NXPE2: variants seen among roughly 807,000 people sequenced by gnomAD.
NXPE2 encodes the protein NXPE family member 2.
Under a neutral mutation model 34.4 loss-of-function variants are expected in NXPE2, and 34 were observed. That is an observed-to-expected ratio of 0.99 (90% CI 0.75 to 1.31). The LOEUF (loss-of-function observed/expected upper bound fraction) is 1.31, where lower values mean the gene tolerates loss of function less well. NXPE2 is among the 40% of genes most tolerant of loss of function. The pLI is 0.00. For missense variants in NXPE2, 649 were observed against 672.5 expected, an observed-to-expected ratio of 0.97 and a Z score of 0.39; for synonymous variants, 235 against 231.3, an observed-to-expected ratio of 1.02 and a Z score of -0.15.
At chr11:114,626,087 C>T in the NXPE2 span, among the ~76,000 whole-genome samples, 31 of 152,212 alleles carry the variant, frequency 2.0e-4, no homozygotes, top group Middle Eastern at 3.4e-3. Context: ...AAGGCGGCAG[C>T]GAGGCTGGGA....
At chr11:114,657,458 A>T in the NXPE2 span, among the ~76,000 whole-genome samples, 1 of 152,230 alleles carries the variant, frequency 6.6e-6, no homozygotes, top group African/African-American at 2.4e-5. Flanking sequence ...TAACAATGGA[A>T]ATCACAGTAT....
chr11:114,759,168 A>T, the NXPE2 span, among the ~76,000 whole-genome samples: 64,460 of 151,948 alleles, frequency 0.42, 15,375 homozygotes, highest in South Asian at 0.59. Flanking sequence ...ATTCCAGCTG[A>T]TTGCTCAATT....
the NXPE2 span, among the ~76,000 whole-genome samples, chr11:114,603,737 C>T: frequency 7.1e-6 from 1 of 141,188 alleles, no homozygotes; most frequent in Non-Finnish European, 1.5e-5. Flanking sequence ...TCCTATTACC[C>T]AGTGGATGAT....
At chr11:114,575,046 G>A in the NXPE2 span, among the ~76,000 whole-genome samples, 1 of 152,002 alleles carries the variant, frequency 6.6e-6, no homozygotes, top group Admixed American at 6.6e-5. Context: ...ACATACGTAA[G>A]TCAATAAATG....
intron 2 of NXPE2, among the ~76,000 whole-genome samples, chr11:114,690,941 C>A (rs1404708149): frequency 6.6e-6 from 1 of 151,788 alleles, no homozygotes; most frequent in Non-Finnish European, 1.5e-5. Flanking sequence ...CTTTTTGATT[C>A]TTTCTTAGTA....
At chr11:114,505,026 T>C in the NXPE2 span, among the ~76,000 whole-genome samples, 1 of 152,128 alleles carries the variant, frequency 6.6e-6, no homozygotes, top group Non-Finnish European at 1.5e-5. Flanking sequence ...AAATAGCCAG[T>C]ATACAGAAGA....
the NXPE2 span, among the ~76,000 whole-genome samples, chr11:114,505,992 G>A: frequency 6.9e-4 from 104 of 151,446 alleles, no homozygotes; most frequent in African/African-American, 2.3e-3. Context: ...CACATGCAAT[G>A]ACACACATAG....
chr11:114,529,679 T>A, the NXPE2 span: 1 of 159,132 alleles, frequency 6.3e-6, no homozygotes, highest in Admixed American at 5.8e-5. Context: ...CCAGTAGGAA[T>A]TGGCTTTTTA....
chr11:114,690,843 A>G (rs1235521927), intron 2 of NXPE2, among the ~76,000 whole-genome samples: 2 of 151,964 alleles, frequency 1.3e-5, no homozygotes, highest in African/African-American at 4.8e-5. Flanking sequence ...TTTGATCTCT[A>G]AAATTCCTTC....
At chr11:114,717,076 C>G in the NXPE2 span, among the ~76,000 whole-genome samples, 4 of 152,120 alleles carry the variant, frequency 2.6e-5, no homozygotes, top group Non-Finnish European at 2.9e-5. Flanking sequence ...TACTATCTGA[C>G]CCTTTACAGG....
chr11:114,684,015 G>A (rs537819415), intron 2 of NXPE2, among the ~76,000 whole-genome samples: 3 of 152,174 alleles, frequency 2.0e-5, no homozygotes, highest in Admixed American at 1.3e-4. Context: ...AGGAGAAATA[G>A]TTAGAAGACA....
the NXPE2 span, among the ~76,000 whole-genome samples, chr11:114,776,981 G>T: frequency 6.6e-6 from 1 of 152,130 alleles, no homozygotes; most frequent in Admixed American, 6.5e-5. Flanking sequence ...TGAACTGAAA[G>T]AAAAAACATT....
chr11:114,648,120 C>G, the NXPE2 span, among the ~76,000 whole-genome samples: 5 of 152,094 alleles, frequency 3.3e-5, no homozygotes, highest in Non-Finnish European at 7.3e-5. Flanking sequence ...CTTAGAATCT[C>G]CTAATGATAG....
the NXPE2 span, among the ~76,000 whole-genome samples, chr11:114,608,849 C>A: frequency 6.6e-6 from 1 of 151,952 alleles, no homozygotes; most frequent in South Asian, 2.1e-4. Flanking sequence ...ATAAGTGTTG[C>A]CTTGTGGGTA....
At chr11:114,663,637 C>CTATCTATCTATCTATCTATCATCT in the NXPE2 span, among the ~76,000 whole-genome samples, 2 of 138,754 alleles carry the variant, frequency 1.4e-5, no homozygotes. Flanking sequence ...ATCTATCTAT[C>CTATCTATCTATCTATCTATCATCT]ATCTATCCAT....
chr11:114,740,934 G>A, the NXPE2 span, among the ~76,000 whole-genome samples: 3 of 152,094 alleles, frequency 2.0e-5, no homozygotes, highest in African/African-American at 7.2e-5. Context: ...TGTCTCTTGT[G>A]ATAGTTTTTA....
At chr11:114,679,784 A>T (rs1217441576) in intron 2 of NXPE2, 22 bp downstream of exon 2, 1 of 1,435,624 alleles carries the variant, frequency 7.0e-7, no homozygotes. Context: ...CATTTTTAAG[A>T]ATTTCACAGA....
Position 114,706,522 on chromosome 11 carries a change from A to G in NXPE2, c.1272A>G (p.Ser424=). The G allele has an allele frequency of 8.4e-6, 13 of 1,551,886 alleles. No homozygotes were observed. Among genetic ancestry groups the G allele is most frequent in the Admixed American group, 2.0e-5 (1 of 51,004 alleles). ...CATTTGTTACCAAAAAATTATTCTC[A>G]GTGAAAGATGAAAACTATATCCCAC... ...GHPFVTKKLF[S]VKDENYIPRE... Residue 424 remains serine (S), a synonymous_variant, in exon 6 of 6, where the codon TCA becomes TCG. Transcript: ENST00000389586.
chr11:114,501,670 T>A, the NXPE2 span, among the ~76,000 whole-genome samples: 1 of 152,072 alleles, frequency 6.6e-6, no homozygotes, highest in Non-Finnish European at 1.5e-5. Context: ...GGCTAATGGA[T>A]CAGAAAAGCT....
Sources: allele counts gnomAD v4.1 joint callset (sites outside exome capture counted in the v4.1 genomes callset), GRCh38; gene constraint gnomAD v4.1.1; transcripts MANE v1.5; gene names NCBI Gene and HGNC (gene_info 2026-07-23, HGNC 2026-07-21).